The following ELOVL6 variants were observed in gnomAD, a reference collection of about 807,000 sequenced individuals.
The protein encoded by ELOVL6 is ELOVL fatty acid elongase 6.
ELOVL6 carries 8 observed loss-of-function variants against 31.7 expected under a neutral mutation model. The observed-to-expected ratio is 0.25, with a 90% CI of 0.15 to 0.45. The LOEUF is 0.45. Among genes scored for constraint, ELOVL6 ranks in the 20% least tolerant of loss-of-function variants. ELOVL6 has a pLI of 1.00. For missense variants in ELOVL6, 126 were observed against 326.4 expected (o/e 0.39, Z 4.73); for synonymous variants, 101 against 117.7 (o/e 0.86, Z 0.92).
At chr4:110,068,033 G>A (rs1755356849) in intron 2 of ELOVL6, among the ~76,000 whole-genome samples, 1 of 152,098 alleles carries the variant, frequency 6.6e-6, no homozygotes, top group African/African-American at 2.4e-5. Context: ...GGAGCTTTTA[G>A]TCTAGTGGGG....
At chr4:110,092,213 G>A (rs1756446722) in intron 2 of ELOVL6, among the ~76,000 whole-genome samples, 1 of 152,160 alleles carries the variant, frequency 6.6e-6, no homozygotes, top group Non-Finnish European at 1.5e-5. Flanking sequence ...AATCAAGTCA[G>A]ATCTGGGACA....
At chr4:110,139,402 C>T (rs1757892491) in intron 1 of ELOVL6, among the ~76,000 whole-genome samples, 1 of 152,224 alleles carries the variant, frequency 6.6e-6, no homozygotes, top group South Asian at 2.1e-4. Flanking sequence ...AGTAACTTTC[C>T]TTCTCTTATT....
At chr4:110,175,880 A>C (rs987236327) in intron 1 of ELOVL6, among the ~76,000 whole-genome samples, 1 of 152,208 alleles carries the variant, frequency 6.6e-6, no homozygotes, top group African/African-American at 2.4e-5. Flanking sequence ...CAATGGTCAC[A>C]GAGCTTTCTC....
intron 1 of ELOVL6, among the ~76,000 whole-genome samples, chr4:110,188,310 G>T (rs1759506606): frequency 1.3e-5 from 2 of 152,198 alleles, no homozygotes; most frequent in Admixed American, 1.3e-4. Context: ...AGACATTTGT[G>T]AGATCATTGA....
chr4:110,136,607 C>A (rs1038878296), intron 1 of ELOVL6, among the ~76,000 whole-genome samples: 1 of 152,176 alleles, frequency 6.6e-6, no homozygotes, highest in African/African-American at 2.4e-5. Context: ...TAGGATCTGC[C>A]AGCTGCCCCT....
chr4:110,182,724 C>T (rs2126278365), intron 1 of ELOVL6, among the ~76,000 whole-genome samples: 1 of 152,172 alleles, frequency 6.6e-6, no homozygotes, highest in Middle Eastern at 3.4e-3. Context: ...GCCTGACCAA[C>T]ATGGAGAAAC....
chr4:110,076,869 A>G (rs1755649155), intron 2 of ELOVL6, among the ~76,000 whole-genome samples: 2 of 152,156 alleles, frequency 1.3e-5, no homozygotes, highest in Admixed American at 6.5e-5. Flanking sequence ...CACCTGGAAA[A>G]TCGGGTCACT....
intron 2 of ELOVL6, among the ~76,000 whole-genome samples, chr4:110,078,633 A>T (rs1191188664): frequency 6.6e-6 from 1 of 152,226 alleles, no homozygotes. Context: ...CACTGCAAAA[A>T]CATGCCAAAT....
At chr4:110,071,555 T>C (rs890241352) in intron 2 of ELOVL6, among the ~76,000 whole-genome samples, 1 of 152,182 alleles carries the variant, frequency 6.6e-6, no homozygotes, top group Non-Finnish European at 1.5e-5. Flanking sequence ...TCACCTTCTT[T>C]TCAGGCAGGG....
chr4:110,173,712 C>T (rs62326610), intron 1 of ELOVL6, among the ~76,000 whole-genome samples: 13,450 of 149,310 alleles, frequency 0.09, 787 homozygotes, highest in African/African-American at 0.17. Flanking sequence ...ATAAATTCCT[C>T]GATCAACTGA....
chr4:110,101,121 C>A (rs1423979447), intron 2 of ELOVL6, among the ~76,000 whole-genome samples: 2 of 152,184 alleles, frequency 1.3e-5, no homozygotes, highest in Admixed American at 6.5e-5. Context: ...CTCACTGCAA[C>A]CTCCACCTCC....
chr4:110,173,193 G>A (rs1239037764), intron 1 of ELOVL6, among the ~76,000 whole-genome samples: 1 of 152,216 alleles, frequency 6.6e-6, no homozygotes, highest in African/African-American at 2.4e-5. Flanking sequence ...GTGTGACTTA[G>A]TCAAGCATGA....
intron 1 of ELOVL6, among the ~76,000 whole-genome samples, chr4:110,150,110 C>T (rs1758240115): frequency 6.6e-6 from 1 of 152,100 alleles, no homozygotes; most frequent in African/African-American, 2.4e-5. Context: ...CACCGTCTCA[C>T]TATGTGGCCC....
At chr4:110,196,300 G>A (rs1759779095) in intron 1 of ELOVL6, among the ~76,000 whole-genome samples, 1 of 152,174 alleles carries the variant, frequency 6.6e-6, no homozygotes, top group African/African-American at 2.4e-5. Context: ...GACCACACAG[G>A]CTAATGCGGG....
chr4:110,091,682 A>G (rs1476105224), intron 2 of ELOVL6, among the ~76,000 whole-genome samples: 2 of 152,206 alleles, frequency 1.3e-5, no homozygotes, highest in African/African-American at 4.8e-5. Context: ...CACAAATACC[A>G]GCTACATTAA....
chr4:110,162,608 G>C (rs1336797681), intron 1 of ELOVL6, among the ~76,000 whole-genome samples: 1 of 152,024 alleles, frequency 6.6e-6, no homozygotes, highest in Non-Finnish European at 1.5e-5. Flanking sequence ...GCCTCCCAAA[G>C]TGCTGGGATT....
rs541335131 is a variant in ELOVL6 at position 110,190,872 on chromosome 4, T to C, written c.89+7375A>G. Among the ~76,000 whole-genome samples, 17 of 152,094 alleles carry C rather than the reference T, an allele frequency of 1.1e-4. No homozygotes were observed. The South Asian group carries it at 3.5e-3, about 32-fold the overall frequency. ...TTTTGCTCTGTTGCCCAAGCTGCAT[T>C]GCAGTGGCATAATCTCAGCTCACTG... On this transcript the variant is annotated intron_variant, in intron 1 of 3. Transcript: ENST00000302274.
At chr4:110,095,099 A>T (rs1261849478) in intron 2 of ELOVL6, among the ~76,000 whole-genome samples, 1 of 152,230 alleles carries the variant, frequency 6.6e-6, no homozygotes, top group Non-Finnish European at 1.5e-5. Context: ...TAGAGAAGGA[A>T]TTTTAAGTTA....
chr4:110,068,695 C>T (rs919422697), intron 2 of ELOVL6, among the ~76,000 whole-genome samples: 5 of 152,168 alleles, frequency 3.3e-5, no homozygotes, highest in African/African-American at 1.2e-4. Flanking sequence ...TTGGATACTG[C>T]TCAGCACTAT....
Sources: allele counts gnomAD v4.1 joint callset (sites outside exome capture counted in the v4.1 genomes callset), GRCh38; gene constraint gnomAD v4.1.1; transcripts MANE v1.5; gene names NCBI Gene and HGNC (gene_info 2026-07-23, HGNC 2026-07-21).